Variants in MDGA2 observed in about 807,000 individuals in gnomAD.
MDGA2 encodes MAM domain containing glycosylphosphatidylinositol anchor 2, also known as MAM domain-containing glycosylphosphatidylinositol anchor protein 2.
A neutral mutation model predicts 117.8 loss-of-function variants in MDGA2; 40 were observed. The observed-to-expected ratio is 0.34, with a 90% CI of 0.26 to 0.44. The LOEUF (loss-of-function observed/expected upper bound fraction) is 0.44. Ranked by LOEUF, MDGA2 falls within the 20% of genes least tolerant of loss-of-function variation. The probability of loss-of-function intolerance (pLI) is 1.00; values close to 1 mark genes in which losing one functional copy is unlikely to be tolerated. For missense variants in MDGA2, 1,123 were observed against 1,250.6 expected, an observed-to-expected ratio of 0.90 and a Z score of 1.54; for synonymous variants, 452 against 439.0, an observed-to-expected ratio of 1.03 and a Z score of -0.37.
At chr14:46,943,414 T>A (rs1243303674) in intron 9 of MDGA2, among the ~76,000 whole-genome samples, 2 of 152,092 alleles carry the variant, frequency 1.3e-5, no homozygotes, top group East Asian at 3.9e-4. Context: ...TTAACATGAC[T>A]GAGTTAAAGT....
At chr14:47,439,590 G>A (rs1426930925) in intron 1 of MDGA2, among the ~76,000 whole-genome samples, 1 of 152,066 alleles carries the variant, frequency 6.6e-6, no homozygotes, top group Non-Finnish European at 1.5e-5. Context: ...TTTCATAGCT[G>A]TAGAAAAATT....
intron 1 of MDGA2, among the ~76,000 whole-genome samples, chr14:47,631,927 T>G (rs1897253708): frequency 7.1e-6 from 1 of 141,804 alleles, no homozygotes; most frequent in Non-Finnish European, 1.6e-5. Context: ...GAGATTTTTT[T>G]AAGTTTTTTT....
At chr14:46,923,610 G>C (rs1040051409) in intron 9 of MDGA2, among the ~76,000 whole-genome samples, 2 of 151,956 alleles carry the variant, frequency 1.3e-5, no homozygotes, top group Non-Finnish European at 2.9e-5. Context: ...CAGTTGTTAC[G>C]ATTAAATATA....
chr14:46,895,977 G>A (rs1400943511), intron 10 of MDGA2, among the ~76,000 whole-genome samples: 1 of 151,936 alleles, frequency 6.6e-6, no homozygotes, highest in Non-Finnish European at 1.5e-5. Context: ...TTATTCTCCT[G>A]CTAAAATTAT....
chr14:47,434,874 G>A (rs943725717), intron 1 of MDGA2, among the ~76,000 whole-genome samples: 1 of 152,104 alleles, frequency 6.6e-6, no homozygotes, highest in African/African-American at 2.4e-5. Flanking sequence ...GGTGGCTTAT[G>A]CCTGTAATCC....
chr14:47,149,508 A>G (rs1024479052), intron 3 of MDGA2, among the ~76,000 whole-genome samples: 1 of 152,200 alleles, frequency 6.6e-6, no homozygotes, highest in Non-Finnish European at 1.5e-5. Flanking sequence ...CCATCAGCAC[A>G]TTCTTACTGC....
chr14:47,335,029 C>T (rs1890399227), intron 1 of MDGA2, among the ~76,000 whole-genome samples: 3 of 151,820 alleles, frequency 2.0e-5, no homozygotes, highest in Admixed American at 2.0e-4. Flanking sequence ...TTGTTGCAGG[C>T]TATCCATGAA....
At chr14:47,457,922 C>A (rs944115418) in intron 1 of MDGA2, among the ~76,000 whole-genome samples, 2 of 149,946 alleles carry the variant, frequency 1.3e-5, no homozygotes, top group African/African-American at 4.9e-5. Context: ...CAAGTTCATT[C>A]TTCTTCCAAG....
At chr14:47,115,696 C>T (rs888921584) in intron 5 of MDGA2, among the ~76,000 whole-genome samples, 2 of 151,978 alleles carry the variant, frequency 1.3e-5, no homozygotes, top group African/African-American at 2.4e-5. Flanking sequence ...ACATGATTAT[C>T]TTCATAGATG....
At chr14:46,872,664 T>TA (rs1187708274) in intron 14 of MDGA2, among the ~76,000 whole-genome samples, 2 of 152,040 alleles carry the variant, frequency 1.3e-5, no homozygotes, top group Non-Finnish European at 2.9e-5. Context: ...GGATAGAGAC[T>TA]ATACATAGGT....
intron 11 of MDGA2, among the ~76,000 whole-genome samples, chr14:46,880,017 G>A (rs1882380797): frequency 6.6e-6 from 1 of 152,062 alleles, no homozygotes; most frequent in South Asian, 2.1e-4. Flanking sequence ...CTCAGGCTCT[G>A]ATAATCAGTG....
intron 1 of MDGA2, among the ~76,000 whole-genome samples, chr14:47,425,080 A>G (rs1892660121): frequency 6.6e-6 from 1 of 152,198 alleles, no homozygotes; most frequent in Non-Finnish European, 1.5e-5. Context: ...AGAATTTCTC[A>G]TTTAAAGTTA....
At position 46,881,858 on chromosome 14, in the gene MDGA2, T is replaced by A. The variant is rs79367281; in HGVS notation, c.2416+186A>T. On this transcript the variant is annotated intron_variant, in intron 11 of 16. Coordinates refer to ENST00000399232, the MANE Select transcript of MDGA2 (RefSeq NM_001113498.3). ...TTATTCTATATCTCTACATTTGTAA[T>A]CAAATGTCACATTTATGGTGATTAA... Among the ~76,000 whole-genome samples, 282 of 152,198 alleles carry A rather than the reference T, an allele frequency of 1.9e-3. 9 individuals carry two copies. The East Asian group carries it at 0.047, about 25-fold the overall frequency.
chr14:47,394,245 TAA>T (rs1184868660), intron 1 of MDGA2, among the ~76,000 whole-genome samples: 14 of 152,072 alleles, frequency 9.2e-5, no homozygotes, highest in Non-Finnish European at 1.5e-5. Flanking sequence ...TATTTTCACT[TAA>T]AAAAATAAAA....
chr14:47,659,994 G>A (rs1897815105), intron 1 of MDGA2, among the ~76,000 whole-genome samples: 1 of 151,800 alleles, frequency 6.6e-6, no homozygotes, highest in African/African-American at 2.4e-5. Context: ...CAGATATTAG[G>A]AAGCCATTGC....
chr14:46,990,476 A>G (rs1594501436), intron 8 of MDGA2, among the ~76,000 whole-genome samples: 1 of 152,060 alleles, frequency 6.6e-6, no homozygotes, highest in Admixed American at 6.6e-5. Flanking sequence ...TAACAAGAAA[A>G]AAATGTTCTG....
chr14:47,668,341 T>C (rs945845025), intron 1 of MDGA2, among the ~76,000 whole-genome samples: 10 of 152,284 alleles, frequency 6.6e-5, no homozygotes, highest in Admixed American at 1.3e-4. Context: ...AATAAGAGAT[T>C]TTAGTAATTT....
chr14:47,540,563 T>TATATATATATATATATATATATAC (rs370481455), intron 1 of MDGA2, among the ~76,000 whole-genome samples: 20 of 112,532 alleles, frequency 1.8e-4, no homozygotes, highest in South Asian at 4.7e-4. Context: ...TGTATATATA[T>TATATATATATATATATATATATAC]ACACACACAC....
At chr14:47,570,770 G>C (rs1407431257) in intron 1 of MDGA2, among the ~76,000 whole-genome samples, 2 of 152,124 alleles carry the variant, frequency 1.3e-5, no homozygotes, top group Non-Finnish European at 2.9e-5. Context: ...ATGGATTAAA[G>C]ACTGAAACAT....
Sources: allele counts gnomAD v4.1 joint callset (sites outside exome capture counted in the v4.1 genomes callset), GRCh38; gene constraint gnomAD v4.1.1; transcripts MANE v1.5; gene names NCBI Gene and HGNC (gene_info 2026-07-23, HGNC 2026-07-21).